The following ANGPT4 variants were observed in gnomAD, a reference collection of about 807,000 sequenced individuals.
ANGPT4 encodes the protein angiopoietin 4.
Under a neutral mutation model 53.0 loss-of-function variants are expected in ANGPT4, and 50 were observed. The observed-to-expected ratio is 0.94, with a 90% CI of 0.75 to 1.20. The LOEUF (loss-of-function observed/expected upper bound fraction) is 1.20. Ranked by LOEUF, ANGPT4 falls within the 50% of genes most tolerant of loss-of-function variation. ANGPT4 has a pLI of 0.00. For synonymous variants in ANGPT4, 251 were observed against 259.7 expected, an observed-to-expected ratio of 0.97 and a Z score of 0.32; for missense variants, 648 against 637.1, an observed-to-expected ratio of 1.02 and a Z score of -0.18.
intron 1 of ANGPT4, among the ~76,000 whole-genome samples, chr20:913,038 G>C (rs750825107): frequency 6.6e-6 from 1 of 152,126 alleles, no homozygotes; most frequent in African/African-American, 2.4e-5. Flanking sequence ...GCAGATGATG[G>C]CTTCTGGGAT....
At chr20:885,836 C>T (rs546164259) in intron 3 of ANGPT4, among the ~76,000 whole-genome samples, 1 of 152,262 alleles carries the variant, frequency 6.6e-6, no homozygotes, top group Admixed American at 6.5e-5. Context: ...GGACTTGGGG[C>T]ACATCAAGCC....
chr20:877,505 T>C (rs1399058467), intron 7 of ANGPT4, among the ~76,000 whole-genome samples: 1 of 152,186 alleles, frequency 6.6e-6, no homozygotes, highest in Non-Finnish European at 1.5e-5. Context: ...GTTTCCATAT[T>C]ACTAAAGTAG....
Position 914,276 on chromosome 20 carries a change from A to ACAAAGCCAGCAGAGGGACAAAG in ANGPT4, c.309+1608_309+1629dup, listed in dbSNP as rs1982830153. On this transcript the variant is annotated intron_variant, in intron 1 of 8. Transcript: ENST00000381922. This position sits in a 1 kb window ranked among gnomAD's most constrained non-coding sequence, Gnocchi z 5.0. The stretch of plus-strand genomic sequence containing the variant: ...ATAAGTTCTAAGAAAAAAAAACACA[A>ACAAAGCCAGCAGAGGGACAAAG]CAAAGCCAGCAGAGGGACAAAGGGT... 6.6e-6 allele frequency among the ~76,000 whole-genome samples: 1 copy of ACAAAGCCAGCAGAGGGACAAAG among 152,104 alleles called. No individual in the cohort carries two copies. Among genetic ancestry groups the ACAAAGCCAGCAGAGGGACAAAG allele is most frequent in the Non-Finnish European group, 1.5e-5 (1 of 68,010 alleles).
intron 1 of ANGPT4, among the ~76,000 whole-genome samples, chr20:915,582 C>T (rs1013824625): frequency 3.9e-5 from 6 of 152,190 alleles, no homozygotes; most frequent in African/African-American, 1.4e-4. Flanking sequence ...TCTCTTACTG[C>T]CTCTTTCCCC....
chr20:876,174 T>C (rs1005413462), intron 7 of ANGPT4, among the ~76,000 whole-genome samples: 1 of 148,490 alleles, frequency 6.7e-6, no homozygotes, highest in Non-Finnish European at 1.5e-5. Context: ...AAGAAGGTCT[T>C]GCTGGGTGGA....
intron 1 of ANGPT4, among the ~76,000 whole-genome samples, chr20:892,408 CA>C (rs1981882215): frequency 6.6e-6 from 1 of 152,018 alleles, no homozygotes; most frequent in Non-Finnish European, 1.5e-5. Context: ...CCAGCCTGGG[CA>C]ACATGGTGAA....
chr20:898,684 C>T (rs1199754987), intron 1 of ANGPT4, among the ~76,000 whole-genome samples: 2 of 152,204 alleles, frequency 1.3e-5, no homozygotes, highest in Admixed American at 1.3e-4. Flanking sequence ...CAAGTGGCAA[C>T]ATATTTCTGA....
In ANGPT4 at chr20:885,282, C is replaced by T. The variant is rs750717096; in HGVS notation, c.631G>A (p.Glu211Lys). 57 of 1,583,698 alleles carry T rather than the reference C, an allele frequency of 3.6e-5. No individual in the cohort carries two copies. The highest frequency in any genetic ancestry group is 4.4e-5 in the Non-Finnish European group (51 of 1,166,854). The change falls in exon 4 of 9, where the codon GAG (glutamate) becomes AAG (lysine). Residue 211 changes from glutamate to lysine, a missense_variant. Coordinates refer to ENST00000381922, the MANE Select transcript of ANGPT4 (RefSeq NM_015985.4). ...RLQALETKQQ[E>K]ELASILSKKA... ...TTGCTGAGGATGCTGGCCAGCTCCT[C>T]CTGCTGCTTGGTCTCCAGGGCCTGC...
Position 873,235 on chromosome 20 carries a change from G to A in ANGPT4, c.1352-115C>T, listed in dbSNP as rs527923517. On this transcript the variant is annotated intron_variant, in intron 8 of 8. Transcript: ENST00000381922. ...ACTAATCGGGGCTGTTGCCTCCTCTGGGAAGCCAGCTGGCTGGGGATGGGG... is the reference window on the plus strand; with the variant it reads ...ACTAATCGGGGCTGTTGCCTCCTCTAGGAAGCCAGCTGGCTGGGGATGGGG... 1.2e-5 allele frequency: 13 copies of A among 1,070,282 alleles called. No homozygotes were observed. The South Asian group carries it at 1.8e-4, about 15-fold the overall frequency. The allele number at this position is 1,070,282 out of a possible 1,614,324, so 66.3% of individuals were successfully genotyped here. A position where few individuals can be genotyped will look rare whatever the true frequency, so the allele number is the denominator to read the frequency against.
At chr20:890,105 G>A in intron 2 of ANGPT4, 108 bp downstream of exon 2, 2 of 1,353,042 alleles carry the variant, frequency 1.5e-6, no homozygotes, top group Non-Finnish European at 2.0e-6. Flanking sequence ...AGGCCCAGAG[G>A]AGGCCTTGAC....
intron 1 of ANGPT4, among the ~76,000 whole-genome samples, chr20:903,243 A>G (rs2034290469): frequency 6.6e-6 from 1 of 152,122 alleles, no homozygotes; most frequent in Non-Finnish European, 1.5e-5. Flanking sequence ...GTTTCTGTGA[A>G]TGGGGGTGGC....
At chr20:882,826 C>T (rs1981462586) in intron 4 of ANGPT4, among the ~76,000 whole-genome samples, 1 of 152,180 alleles carries the variant, frequency 6.6e-6, no homozygotes, top group African/African-American at 2.4e-5. Flanking sequence ...AATATCAACA[C>T]AAAAAGTGAA....
At chr20:890,138 G>A in intron 2 of ANGPT4, 75 bp downstream of exon 2, 2 of 1,547,416 alleles carry the variant, frequency 1.3e-6, no homozygotes, top group Middle Eastern at 1.7e-4. Flanking sequence ...CAGAGATCAA[G>A]GTAAGATGAC....
chr20:899,784 C>T (rs184508237), intron 1 of ANGPT4, among the ~76,000 whole-genome samples: 252 of 152,300 alleles, frequency 1.7e-3, no homozygotes, highest in African/African-American at 5.5e-3. Flanking sequence ...AAGATGCTTT[C>T]TTTACTATTC....
intron 1 of ANGPT4, among the ~76,000 whole-genome samples, chr20:898,067 C>A (rs751663876): frequency 6.6e-6 from 1 of 151,678 alleles, no homozygotes; most frequent in African/African-American, 2.4e-5. Context: ...GCTCCCAAAG[C>A]GACTCATCCC....
intron 1 of ANGPT4, among the ~76,000 whole-genome samples, chr20:912,422 GCTGCC>G (rs1982739009): frequency 6.6e-6 from 1 of 152,218 alleles, no homozygotes; most frequent in South Asian, 2.1e-4. Context: ...TAGCCACTGA[GCTGCC>G]CAGCCCAGCT....
At position 915,057 on chromosome 20, in the gene ANGPT4, G is replaced by A. The variant is rs895257051; in HGVS notation, c.309+849C>T. Among the ~76,000 whole-genome samples, 11 of 152,036 alleles carry A rather than the reference G, an allele frequency of 7.2e-5. No individual in the cohort carries two copies. In the East Asian group the frequency reaches 1.2e-3, roughly 16 times the overall value. ...TAGCCCCGTTCTGCTCCAGGCCTCC[G>A]GTACCTTGCACCTGATGGCTGCAGC... On this transcript the variant is annotated intron_variant, in intron 1 of 8. Transcript: ENST00000381922.
chr20:874,386 C>A lies in ANGPT4; in HGVS notation c.1249G>T (p.Ala417Ser), dbSNP rs1205293026. The change falls in exon 8 of 9, where the codon GCA becomes TCA. Residue 417 changes from alanine (A) to serine (S), a missense_variant. Coordinates refer to ENST00000381922, the MANE Select transcript of ANGPT4 (RefSeq NM_015985.4). The stretch of plus-strand genomic sequence containing the variant: ...AGGACCAGGCTGCTCTGGCGCCCTG[C>A]TGAGCCGCTGTACCCGACCACAGAA... ...RLSVVGYSGS[A>S]GRQSSLVLQN... 2 of 1,613,830 alleles carry A rather than the reference C, an allele frequency of 1.2e-6. No individual in the cohort carries two copies.
intron 3 of ANGPT4, among the ~76,000 whole-genome samples, chr20:885,778 C>T (rs1482359691): frequency 2.0e-5 from 3 of 152,202 alleles, no homozygotes; most frequent in Admixed American, 6.5e-5. Context: ...GGAAATGTTC[C>T]GCAGTCATGA....
Sources: gnomAD v4.1 joint callset for allele counts (sites outside exome capture counted in the v4.1 genomes callset) on GRCh38, gnomAD v4.1.1 for gene constraint, Gnocchi (gnomAD v3.1) non-coding constraint, MANE v1.5 for transcripts, NCBI Gene and HGNC (gene_info 2026-07-23, HGNC 2026-07-21) for gene names.